COL11A2: variants seen among roughly 807,000 people sequenced by gnomAD.
COL11A2 encodes the protein collagen alpha-2(XI) chain.
In COL11A2, 116 loss-of-function variants were observed where a neutral mutation model predicts 273.4. That is an observed-to-expected ratio of 0.42 (90% CI 0.36 to 0.49). The LOEUF (loss-of-function observed/expected upper bound fraction) is 0.49. COL11A2 is among the 20% of genes least tolerant of loss of function. The pLI, the probability that COL11A2 is intolerant of heterozygous loss-of-function variation, is 0.00. For synonymous variants in COL11A2, 782 were observed against 864.2 expected (o/e 0.90, Z 1.67); for missense variants, 1,866 against 2,309.0 (o/e 0.81, Z 3.93).
In COL11A2 at chr6:33,163,595, C is replaced by T. The variant is rs1203880552; in HGVS notation, c.*83G>A. The T allele has an allele frequency of 6.2e-7, 1 of 1,605,860 alleles. No individual in the cohort carries two copies. The highest frequency in any genetic ancestry group is 1.3e-5 in the African/African-American group (1 of 74,736). On this transcript the variant is annotated 3_prime_UTR_variant, in exon 66 of 66. Transcript: ENST00000341947. This position sits in a 1 kb window ranked among gnomAD's most constrained non-coding sequence, Gnocchi z 4.1. The stretch of plus-strand genomic sequence containing the variant: ...AGGGCTCCCTAGATAGTGAGGAGCC[C>T]TCTTGGGAGGTGGCACAGAGCTGAT...
At chr6:33,185,618 G>A (rs754717636) in intron 6 of COL11A2, 83 bp downstream of exon 6, 10 of 560,110 alleles carry the variant, frequency 1.8e-5, no homozygotes, top group Admixed American at 9.9e-5. Flanking sequence ...CACGGCATGG[G>A]GGAGGGGAGG....
Position 33,175,676 on chromosome 6 carries a change from T to C in COL11A2, c.2274A>G (p.Glu758=). 1 of 1,612,792 alleles carries C rather than the reference T, an allele frequency of 6.2e-7. No individual in the cohort carries two copies. The highest frequency in any genetic ancestry group is 8.5e-7 in the Non-Finnish European group (1 of 1,179,894). The change falls in exon 30 of 66, where the codon GAA becomes GAG. Residue 758 remains glutamate, a synonymous_variant. Coordinates refer to ENST00000341947, the MANE Select transcript of COL11A2 (RefSeq NM_080680.3). The part of the protein sequence containing the change: ...GDIGVKGDRG[E]VGVPGSRGED... ...CTCCCCTGGAACCAGGGACTCCAACTTCGCCCTGTGTGAGAGGGAAGGACA... is the reference window on the plus strand; with the variant it reads ...CTCCCCTGGAACCAGGGACTCCAACCTCGCCCTGTGTGAGAGGGAAGGACA...
Position 33,170,120 on chromosome 6 carries a change from A to T in COL11A2, c.3583-20T>A. 6.2e-7 allele frequency: 1 copy of T among 1,612,916 alleles called. No homozygotes were observed. Among genetic ancestry groups the T allele is most frequent in the South Asian group, 1.1e-5 (1 of 91,072 alleles). On this transcript the variant is annotated intron_variant, in intron 48 of 65. Transcript: ENST00000341947. The surrounding 1 kb of genome is among the most constrained non-coding windows in gnomAD (Gnocchi z 4.3). ...TGGGCCCTGGAAGAGGAACAGAAAT[A>T]GGTGTCATTGCTTAGGATGGAGGTG...
chr6:33,185,108 A>G (rs1772227172), intron 6 of COL11A2, 54 bp from the exon 7 acceptor site: 2 of 1,383,012 alleles, frequency 1.4e-6, no homozygotes, highest in Non-Finnish European at 2.0e-6. Flanking sequence ...GGAAGGAGAA[A>G]GGTTAGCAGA....
rs895386372 is a variant in COL11A2 at position 33,163,541 on chromosome 6, C to G, written c.*137G>C. On this transcript the variant is annotated 3_prime_UTR_variant, in exon 66 of 66. Transcript: ENST00000341947. This position sits in a 1 kb window ranked among gnomAD's most constrained non-coding sequence, Gnocchi z 4.1. ...CACTTCACCCCTCCCCTGGCCTGCC[C>G]CGACTGAGGGCTCTCCACGCCCTGG... 15 of 1,410,718 alleles carry G rather than the reference C, an allele frequency of 1.1e-5. No homozygotes were observed. The highest frequency in any genetic ancestry group is 1.5e-5 in the Non-Finnish European group (15 of 1,007,132). 87.4% of individuals were successfully genotyped at this position (1,410,718 alleles called of 1,614,324 possible). A position where few individuals can be genotyped will look rare whatever the true frequency, so the allele number is the denominator to read the frequency against.
intron 30 of COL11A2, among the ~76,000 whole-genome samples, chr6:33,175,312 T>C (rs1337574419): frequency 1.3e-5 from 2 of 152,178 alleles, no homozygotes; most frequent in East Asian, 1.9e-4. Context: ...TCCGAACGCA[T>C]GTTCACTCTG....
rs1015885281 is a variant in COL11A2, at chr6:33,165,919, C to T, written c.4482+12G>A. On this transcript the variant is annotated intron_variant, in intron 62 of 65. Coordinates refer to ENST00000341947, the MANE Select transcript of COL11A2 (RefSeq NM_080680.3). The surrounding 1 kb of genome is among the most constrained non-coding windows in gnomAD (Gnocchi z 7.7). ...GGTACGGCCCTGGGAGCAGCCCTGACTCCTCACTCACCGGGTGTCCTGGAG... is the reference window on the plus strand; with the variant it reads ...GGTACGGCCCTGGGAGCAGCCCTGATTCCTCACTCACCGGGTGTCCTGGAG... 31 of 1,613,962 alleles carry T rather than the reference C, an allele frequency of 1.9e-5. No individual in the cohort carries two copies. Among genetic ancestry groups the T allele is most frequent in the Non-Finnish European group, 2.6e-5 (31 of 1,180,012 alleles).
At position 33,164,872 on chromosome 6, in the gene COL11A2, G is replaced by A; in HGVS notation, c.4843C>T (p.Pro1615Ser). The change falls in exon 64 of 66, where the codon CCT becomes TCT. Residue 1615 changes from proline to serine, a missense_variant. By Grantham distance (74) the Pro-to-Ser change is moderately conservative. Transcript: ENST00000341947. The surrounding 1 kb of genome is among the most constrained non-coding windows in gnomAD (Gnocchi z 4.7). ...FTAGGETCVT[P>S]RDDVTQFSYV... ...CTCACCTGCGTGACGTCATCCCTAG[G>A]CGTCACACAGGTCTCACCCCCTGCT... The A allele has an allele frequency of 6.4e-7, 1 of 1,564,978 alleles. No homozygotes were observed. The highest frequency in any genetic ancestry group is 8.7e-7 in the Non-Finnish European group (1 of 1,153,514).
At position 33,173,440 on chromosome 6, in the gene COL11A2, A is replaced by C. The variant is rs908862007; in HGVS notation, c.2683-39T>G. The stretch of plus-strand genomic sequence containing the variant: ...AGTTGTCAGGTGAACTCTCAGCTGG[A>C]AAGCAGGTAGGGAAGAAGGACTCAG... On this transcript the variant is annotated intron_variant, in intron 36 of 65. Coordinates refer to ENST00000341947, the MANE Select transcript of COL11A2 (RefSeq NM_080680.3). The surrounding 1 kb of genome is among the most constrained non-coding windows in gnomAD (Gnocchi z 6.3). 1 of 1,612,418 alleles carries C rather than the reference A, an allele frequency of 6.2e-7. No homozygotes were observed. Among genetic ancestry groups the C allele is most frequent in the Non-Finnish European group, 8.5e-7 (1 of 1,179,294 alleles).
Position 33,192,233 on chromosome 6 carries a change from C to G in COL11A2, c.8G>C (p.Arg3Pro). Residue 3 changes from arginine to proline, a missense_variant, in exon 1 of 66, where the codon CGG becomes CCG. Physicochemically the swap from Arg to Pro is moderately radical, Grantham distance 103. Transcript: ENST00000341947. ME[R>P]CSRCHRLLLL... ...GAGGAGGCGATGGCAGCGGCTGCAC[C>G]GCTCCATGGCTGAGAAGCCGAAACG... 6.4e-7 allele frequency: 1 copy of G among 1,559,406 alleles called. No homozygotes were observed. The highest frequency in any genetic ancestry group is 8.7e-7 in the Non-Finnish European group (1 of 1,151,944).
At chr6:33,181,258 C>A (rs1417147468) in intron 8 of COL11A2, 88 bp from the exon 9 acceptor site, 7 of 1,371,130 alleles carry the variant, frequency 5.1e-6, no homozygotes, top group Admixed American at 3.4e-5. Flanking sequence ...AACCTTGATT[C>A]TTAGATCCTC....
intron 29 of COL11A2, 143 bp from the exon 30 acceptor site, chr6:33,175,824 T>G: frequency 9.4e-7 from 1 of 1,066,398 alleles, no homozygotes; most frequent in Non-Finnish European, 1.5e-6. Flanking sequence ...AGGGTAGGGA[T>G]AGTGTAGTGA....
chr6:33,166,887 A>C lies in COL11A2; in HGVS notation c.4231-60T>G, dbSNP rs1408201113. 6.4e-7 allele frequency: 1 copy of C among 1,569,248 alleles called. No homozygotes were observed. Among genetic ancestry groups the C allele is most frequent in the Non-Finnish European group, 8.7e-7 (1 of 1,148,700 alleles). On this transcript the variant is annotated intron_variant, in intron 58 of 65. Transcript: ENST00000341947. The surrounding 1 kb of genome is among the most constrained non-coding windows in gnomAD (Gnocchi z 4.8). ...AGAGGAGTCATGTGGATGGGGGAGA[A>C]GGGCCAAGAGGACATGGAGAGGGAG...
chr6:33,191,812 T>C (rs533541180), intron 1 of COL11A2, among the ~76,000 whole-genome samples: 1 of 152,334 alleles, frequency 6.6e-6, no homozygotes, highest in African/African-American at 2.4e-5. Context: ...CCCATCAACA[T>C]TGGCGTCTAC....
Position 33,176,421 on chromosome 6 carries a change from G to C in COL11A2, c.2169+12C>G. On this transcript the variant is annotated intron_variant, in intron 27 of 65. Transcript: ENST00000341947. This position sits in a 1 kb window ranked among gnomAD's most constrained non-coding sequence, Gnocchi z 4.9. ...CCACAGCCCTTTGTCTCCCAGCCTG[G>C]TGGTCAGTTACCTTGACCCCTCGAG... 6.2e-7 allele frequency: 1 copy of C among 1,612,270 alleles called. No individual in the cohort carries two copies. Among genetic ancestry groups the C allele is most frequent in the Non-Finnish European group, 8.5e-7 (1 of 1,179,676 alleles).
Position 33,173,892 on chromosome 6 carries a change from G to A in COL11A2, c.2564C>T (p.Thr855Ile). The A allele has an allele frequency of 6.2e-7, 1 of 1,614,068 alleles. No homozygotes were observed. The highest frequency in any genetic ancestry group is 8.5e-7 in the Non-Finnish European group (1 of 1,179,972). Residue 855 changes from threonine to isoleucine, a missense_variant, in exon 34 of 66, where the codon ACT becomes ATT. Transcript: ENST00000341947. The surrounding 1 kb of genome is among the most constrained non-coding windows in gnomAD (Gnocchi z 6.3). ...PRGQRGPRGA[T>I]GKSGAKGTSG... ...ATTCACCTTAGCTCCAGACTTCCCA[G>A]TGGCACCTCGGGGTCCCCGCTGACC...
rs1312881634 is a variant in COL11A2, at chr6:33,170,788, C to T, written c.3474+22G>A. 6.2e-7 allele frequency: 1 copy of T among 1,610,374 alleles called. No individual in the cohort carries two copies. The highest frequency in any genetic ancestry group is 1.3e-5 in the African/African-American group (1 of 74,704). On this transcript the variant is annotated intron_variant, in intron 46 of 65. Transcript: ENST00000341947. This position sits in a 1 kb window ranked among gnomAD's most constrained non-coding sequence, Gnocchi z 4.3. ...CCCATCCTGACCCCACCTCTCAGCC[C>T]CTGTCCTATCCCCCAACACACCTGT...
intron 10 of COL11A2, 42 bp downstream of exon 10, chr6:33,180,922 T>G (rs1771649853): frequency 6.2e-7 from 1 of 1,611,324 alleles, no homozygotes; most frequent in Non-Finnish European, 8.5e-7. Context: ...ATAGAAGGGG[T>G]TTCTAAGAAA....
rs73741526 is a variant in COL11A2, at chr6:33,171,858, A to C, written c.3043-38T>G. The C allele has an allele frequency of 0.038, 61,671 of 1,604,572 alleles. 2,058 individuals carry two copies. The highest frequency in any genetic ancestry group is 0.1 in the South Asian group (9,247 of 90,838). ...ATGGTCAGACCCCCAGGAAGGAGAC[A>C]CCAGCCCGCCCATACCAGAGAACCT... On this transcript the variant is annotated intron_variant, in intron 41 of 65. Transcript: ENST00000341947.
Sources: gnomAD v4.1 joint callset for allele counts (sites outside exome capture counted in the v4.1 genomes callset) on GRCh38, gnomAD v4.1.1 for gene constraint, Gnocchi (gnomAD v3.1) non-coding constraint, MANE v1.5 for transcripts, NCBI Gene and HGNC (gene_info 2026-07-23, HGNC 2026-07-21) for gene names.